Variants in ANXA4 observed in about 807,000 individuals in gnomAD.
ANXA4 encodes 35-beta calcimedin.
ANXA4 carries 39 observed loss-of-function variants against 49.8 expected under a neutral mutation model. The ratio of observed to expected loss-of-function variants is 0.78; its 90% CI spans 0.61 to 1.02. The LOEUF is 1.02. Ranked by LOEUF, ANXA4 falls within the 50% of genes least tolerant of loss-of-function variation. The pLI, the probability that ANXA4 is intolerant of heterozygous loss-of-function variation, is 0.00. For synonymous variants in ANXA4, 134 were observed against 152.5 expected, an observed-to-expected ratio of 0.88 and a Z score of 0.89; for missense variants, 360 against 410.1, an observed-to-expected ratio of 0.88 and a Z score of 1.05.
chr2:69,807,167 G>T (rs1432701161), intron 5 of ANXA4, among the ~76,000 whole-genome samples: 4 of 152,098 alleles, frequency 2.6e-5, no homozygotes, highest in Non-Finnish European at 4.4e-5. Context: ...GGAATCATTT[G>T]CTCCTTCCTG....
At chr2:69,727,734 A>G (rs1669998414) in intron 3 of ANXA4, among the ~76,000 whole-genome samples, 1 of 152,240 alleles carries the variant, frequency 6.6e-6, no homozygotes, top group Non-Finnish European at 1.5e-5. Flanking sequence ...GATATCTTAC[A>G]TAACTGTAGC....
chr2:69,812,643 T>C lies in ANXA4; in HGVS notation c.478-10T>C, dbSNP rs191883284. 623 of 1,612,628 alleles carry C rather than the reference T, an allele frequency of 3.9e-4. 7 individuals are homozygous for C. In the East Asian group the frequency reaches 0.013, roughly 34 times the overall value. ...TCGAATTATTTTTTATTTGTTTTTC[T>C]CATCCTCAGGGTGGGAGGGATGAAG... is the stretch of plus-strand genomic sequence containing the variant. On this transcript the variant is annotated splice_polypyrimidine_tract_variant and intron_variant, in intron 7 of 12. Transcript: ENST00000394295.
At chr2:69,708,529 AAGAAAG>A (rs923488265) in intron 2 of ANXA4, among the ~76,000 whole-genome samples, 24 of 143,428 alleles carry the variant, frequency 1.7e-4, no homozygotes, top group African/African-American at 7.3e-4. Flanking sequence ...TGGGAGAAGA[AAGAAAG>A]AGAGAGAGAG....
intron 1 of ANXA4, 24 bp downstream of exon 1, chr2:69,742,199 G>GA (rs1453581577): frequency 6.6e-6 from 1 of 152,350 alleles, no homozygotes; most frequent in Non-Finnish European, 1.5e-5. Flanking sequence ...AGGGGCTCCG[G>GA]GCCGGGGGTC....
chr2:69,804,370 C>T (rs1313817188), intron 3 of ANXA4, among the ~76,000 whole-genome samples, 163 bp from the exon 4 acceptor site: 1 of 152,154 alleles, frequency 6.6e-6, no homozygotes, highest in African/African-American at 2.4e-5. Flanking sequence ...AGTCCCGAAC[C>T]TAGCATCTGT....
chr2:69,650,478 C>A (rs561667680), intron 1 of ANXA4, among the ~76,000 whole-genome samples: 1 of 151,810 alleles, frequency 6.6e-6, no homozygotes, highest in African/African-American at 2.4e-5. Context: ...GTTTTTGTAT[C>A]CTTTTTTTTT....
chr2:69,666,245 A>G (rs889262798), intron 2 of ANXA4, among the ~76,000 whole-genome samples: 1 of 152,192 alleles, frequency 6.6e-6, no homozygotes, highest in Non-Finnish European at 1.5e-5. Context: ...AAGGTGCTAA[A>G]CATCATTGAT....
At chr2:69,648,749 A>G (rs1483335493) in intron 1 of ANXA4, among the ~76,000 whole-genome samples, 1 of 137,688 alleles carries the variant, frequency 7.3e-6, no homozygotes, top group Non-Finnish European at 1.5e-5. Context: ...TTAACCCAGG[A>G]GGCGGAGCTT....
intron 6 of ANXA4, 23 bp downstream of exon 6, chr2:69,808,019 C>A: frequency 6.2e-7 from 1 of 1,610,294 alleles, no homozygotes; most frequent in Non-Finnish European, 8.5e-7. Flanking sequence ...CGCAGTGGCC[C>A]TGGCTGAGGT....
At chr2:69,730,026 C>A (rs749220240) in intron 3 of ANXA4, among the ~76,000 whole-genome samples, 3 of 152,158 alleles carry the variant, frequency 2.0e-5, no homozygotes, top group Non-Finnish European at 4.4e-5. Context: ...GCCCTTTATT[C>A]CCTGAAGATT....
At chr2:69,768,580 G>A (rs1244363492) in intron 1 of ANXA4, among the ~76,000 whole-genome samples, 3 of 152,176 alleles carry the variant, frequency 2.0e-5, no homozygotes, top group Admixed American at 6.5e-5. Flanking sequence ...AAAGTGTGCC[G>A]TTTAGTAAAT....
intron 1 of ANXA4, among the ~76,000 whole-genome samples, chr2:69,773,974 A>G (rs113928722): frequency 0.038 from 5,811 of 151,968 alleles, 491 homozygotes; most frequent in Admixed American, 0.21. Flanking sequence ...CTGGGATTAC[A>G]GGCATGCCAG....
chr2:69,665,520 C>G (rs1031627964), intron 2 of ANXA4, among the ~76,000 whole-genome samples: 1 of 152,136 alleles, frequency 6.6e-6, no homozygotes, highest in African/African-American at 2.4e-5. Context: ...GACTCCACCC[C>G]AGAATTGTGG....
chr2:69,704,666 C>G (rs1383158138), intron 2 of ANXA4, among the ~76,000 whole-genome samples: 1 of 152,166 alleles, frequency 6.6e-6, no homozygotes, highest in Non-Finnish European at 1.5e-5. Flanking sequence ...TAAAAGAAGG[C>G]AAGTCTTAAC....
intron 2 of ANXA4, among the ~76,000 whole-genome samples, chr2:69,702,272 C>G (rs1268676619): frequency 6.6e-6 from 1 of 152,204 alleles, no homozygotes; most frequent in Admixed American, 6.5e-5. Flanking sequence ...CTCAGCCTCC[C>G]AAACTGCTGG....
At chr2:69,761,447 A>T (rs1022598837) in intron 1 of ANXA4, among the ~76,000 whole-genome samples, 16 of 152,206 alleles carry the variant, frequency 1.1e-4, no homozygotes, top group African/African-American at 3.9e-4. Context: ...GAAAAAACTG[A>T]TTCATGTTTT....
chr2:69,648,488 T>C (rs1429093024), intron 1 of ANXA4, among the ~76,000 whole-genome samples: 1 of 152,206 alleles, frequency 6.6e-6, no homozygotes, highest in Non-Finnish European at 1.5e-5. Context: ...AACCACTGTT[T>C]AGCAGAAGCG....
chr2:69,761,056 A>G (rs1268572099), intron 1 of ANXA4, among the ~76,000 whole-genome samples: 1 of 152,044 alleles, frequency 6.6e-6, no homozygotes, highest in East Asian at 1.9e-4. Flanking sequence ...TAAGCCACAA[A>G]TGCAAGTTTG....
chr2:69,786,044 C>T (rs1043938879), intron 2 of ANXA4, among the ~76,000 whole-genome samples: 3 of 152,152 alleles, frequency 2.0e-5, no homozygotes, highest in East Asian at 1.9e-4. Flanking sequence ...AGACTTATAC[C>T]GTATAACCAA....
Sources: allele counts gnomAD v4.1 joint callset (sites outside exome capture counted in the v4.1 genomes callset), GRCh38; gene constraint gnomAD v4.1.1; transcripts MANE v1.5; gene names NCBI Gene and HGNC (gene_info 2026-07-23, HGNC 2026-07-21).